Variants in PROK2 observed in about 807,000 individuals in gnomAD.
PROK2 encodes prokineticin-2.
PROK2 carries 8 observed loss-of-function variants against 14.2 expected under a neutral mutation model. The observed-to-expected ratio is 0.56, with a 90% CI of 0.33 to 1.02. PROK2 has a LOEUF of 1.02. PROK2 is among the 50% of genes least tolerant of loss of function. The pLI is 0.03. For synonymous variants in PROK2, 59 were observed against 60.7 expected (o/e 0.97, Z 0.13); for missense variants, 154 against 160.4 (o/e 0.96, Z 0.22).
intron 2 of PROK2, among the ~76,000 whole-genome samples, chr3:71,780,786 C>CCCCTTCCTGACTCCA (rs2050154716): frequency 6.6e-6 from 1 of 152,202 alleles, no homozygotes; most frequent in African/African-American, 2.4e-5. Flanking sequence ...CCCCTGTAGA[C>CCCCTTCCTGACTCCA]AGGTGGGTCT....
chr3:71,771,842 T>C lies in PROK2; in HGVS notation c.*882A>G, dbSNP rs1479210288. 1.3e-5 allele frequency: 2 copies of C among 152,680 alleles called. No individual in the cohort carries two copies. The highest frequency in any genetic ancestry group is 4.8e-5 in the African/African-American group (2 of 41,470). 9.5% of individuals were successfully genotyped at this position (152,680 alleles called of 1,614,324 possible). A position where few individuals can be genotyped will look rare whatever the true frequency, so the allele number is the denominator to read the frequency against. ...CTGCTTTAAAAATGGTAATTAGTGTTGTGCCAGATTAAAATAAATACTTCC... is the reference window on the plus strand; with the variant it reads ...CTGCTTTAAAAATGGTAATTAGTGTCGTGCCAGATTAAAATAAATACTTCC... On this transcript the variant is annotated 3_prime_UTR_variant, in exon 4 of 4. Transcript: ENST00000295619.
In PROK2 at chr3:71,774,496, T is replaced by A; in HGVS notation, c.234A>T (p.Gly78=). ...TCTTTCTTCTTTCCTGCCTTCCATT[T>A]CCAAAATTGTTCTGGAAGGGCCAGG... is the stretch of plus-strand genomic sequence containing the variant. The part of the protein sequence containing the change: ...CHPLTRKNNF[G]NGRQERRKRK... Residue 78 remains glycine (G), a synonymous_variant, in exon 3 of 4, where the codon GGA becomes GGT. Transcript: ENST00000295619. 6.4e-7 allele frequency: 1 copy of A among 1,551,250 alleles called. No homozygotes were observed. Among genetic ancestry groups the A allele is most frequent in the Non-Finnish European group, 8.7e-7 (1 of 1,146,750 alleles).
rs907792084 is a variant in PROK2, at chr3:71,772,599, T to C, written c.*125A>G. 4 of 807,958 alleles carry C rather than the reference T, an allele frequency of 5.0e-6. No homozygotes were observed. Among genetic ancestry groups the C allele is most frequent in the Non-Finnish European group, 8.3e-6 (4 of 481,714 alleles). The allele number at this position is 807,958 out of a possible 1,614,324, so 50.0% of individuals were successfully genotyped here. On this transcript the variant is annotated 3_prime_UTR_variant, in exon 4 of 4. Transcript: ENST00000295619. ...ATCATTTACAAATCAAAGATAAAAA[T>C]GTTACTTGGAAAGTTGAGGAAGCAA...
intron 1 of PROK2, among the ~76,000 whole-genome samples, chr3:71,782,870 T>C (rs2050170640): frequency 6.6e-6 from 1 of 152,228 alleles, no homozygotes; most frequent in African/African-American, 2.4e-5. Flanking sequence ...ACAAAGTATC[T>C]GGATAAAAGC....
Position 71,772,755 on chromosome 3 carries a change from A to C in PROK2, c.359T>G (p.Phe120Cys). 1 of 1,614,218 alleles carries C rather than the reference A, an allele frequency of 6.2e-7. No homozygotes were observed. Among genetic ancestry groups the C allele is most frequent in the Non-Finnish European group, 8.5e-7 (1 of 1,180,018 alleles). The change falls in exon 4 of 4, where the codon TTT becomes TGT. Residue 120 changes from phenylalanine (F) to cysteine (C), a missense_variant. By Grantham distance (205) the Phe-to-Cys change is radical (BLOSUM62 -2). Coordinates refer to ENST00000295619, the MANE Select transcript of PROK2 (RefSeq NM_001126128.2). ...TTGGGCTAAACAAATAAATCGGTTA[A>C]ATGAAGTCCGTAAACAGGCCAAGCC... is the stretch of plus-strand genomic sequence containing the variant. ...LPGLACLRTS[F>C]NRFICLAQK is the part of the protein sequence containing the mutation.
intron 2 of PROK2, among the ~76,000 whole-genome samples, chr3:71,778,280 A>G (rs139537928): frequency 1.2e-4 from 18 of 152,268 alleles, no homozygotes; most frequent in African/African-American, 4.3e-4. Context: ...TATTTGCTTT[A>G]AAATGTATTT....
chr3:71,777,368 T>C (rs1175782532), intron 2 of PROK2, among the ~76,000 whole-genome samples: 2 of 152,170 alleles, frequency 1.3e-5, no homozygotes, highest in Non-Finnish European at 2.9e-5. Context: ...TTAGTTATAT[T>C]TTAGTATTTT....
intron 2 of PROK2, 85 bp downstream of exon 2, chr3:71,781,382 C>G: frequency 6.6e-7 from 1 of 1,526,636 alleles, no homozygotes; most frequent in Non-Finnish European, 9.1e-7. Flanking sequence ...TTGTCGAGCA[C>G]GTTACCCAGT....
chr3:71,772,909 AAATAAC>A, intron 3 of PROK2, 81 bp from the exon 4 acceptor site: 1 of 1,184,010 alleles, frequency 8.4e-7, no homozygotes, highest in Non-Finnish European at 1.3e-6. Flanking sequence ...ATAGCTCTTT[AAATAAC>A]AATAACTAGT....
In PROK2 at chr3:71,772,761, G is replaced by T; in HGVS notation, c.353C>A (p.Thr118Asn). The T allele has an allele frequency of 6.2e-7, 1 of 1,614,182 alleles. No individual in the cohort carries two copies. The highest frequency in any genetic ancestry group is 1.3e-5 in the African/African-American group (1 of 75,044). ...PCLPGLACLRTSFNRFICLAQ... is the reference protein window; with the variant it reads ...PCLPGLACLRNSFNRFICLAQ... The stretch of plus-strand genomic sequence containing the variant: ...TAAACAAATAAATCGGTTAAATGAA[G>T]TCCGTAAACAGGCCAAGCCTGGCAG... The change falls in exon 4 of 4, where the codon ACT becomes AAT. Residue 118 changes from threonine to asparagine, a missense_variant. Thr to Asn is a moderately conservative substitution (Grantham distance 65). Coordinates refer to ENST00000295619, the MANE Select transcript of PROK2 (RefSeq NM_001126128.2).
chr3:71,782,027 A>C (rs1032174064), intron 1 of PROK2, among the ~76,000 whole-genome samples: 4 of 152,248 alleles, frequency 2.6e-5, no homozygotes, highest in African/African-American at 9.6e-5. Context: ...AATTTAAAAA[A>C]AGAGATTTAA....
At chr3:71,777,504 G>T (rs1486883110) in intron 2 of PROK2, among the ~76,000 whole-genome samples, 1 of 151,736 alleles carries the variant, frequency 6.6e-6, no homozygotes, top group East Asian at 1.9e-4. Context: ...TAAATATCAA[G>T]TTAAAAAAAT....
At chr3:71,780,577 G>A (rs1017984147) in intron 2 of PROK2, among the ~76,000 whole-genome samples, 5 of 152,174 alleles carry the variant, frequency 3.3e-5, no homozygotes, top group African/African-American at 7.2e-5. Context: ...TTGTTGCAAC[G>A]CCACTGGAGG....
At chr3:71,782,578 C>T (rs934622772) in intron 1 of PROK2, among the ~76,000 whole-genome samples, 11 of 152,230 alleles carry the variant, frequency 7.2e-5, no homozygotes, top group African/African-American at 1.7e-4. Context: ...TTGTTTGAAC[C>T]GTGGGCAGTA....
chr3:71,772,877 A>T (rs761957750), intron 3 of PROK2, 49 bp from the exon 4 acceptor site: 2 of 1,497,804 alleles, frequency 1.3e-6, no homozygotes, highest in Non-Finnish European at 9.3e-7. Context: ...TTCAAAAACA[A>T]ACAAACCAAA....
At chr3:71,777,104 C>A (rs2050126369) in intron 2 of PROK2, among the ~76,000 whole-genome samples, 1 of 152,176 alleles carries the variant, frequency 6.6e-6, no homozygotes, top group South Asian at 2.1e-4. Flanking sequence ...GAATATTGTA[C>A]TATAGTTTTG....
Position 71,781,521 on chromosome 3 carries a change from C to T in PROK2, c.168G>A (p.Arg56=), listed in dbSNP as rs891611317. 2 of 1,613,646 alleles carry T rather than the reference C, an allele frequency of 1.2e-6. No individual in the cohort carries two copies. Among genetic ancestry groups the T allele is most frequent in the African/African-American group, 1.3e-5 (1 of 74,878 alleles). ...CCAGTTTGCCCATAGGTGTGCAAAT[C>T]CTTATGCTCTTGACCCAGATACTGA... is the stretch of plus-strand genomic sequence containing the variant. ...CAVSIWVKSI[R]ICTPMGKLGD... Residue 56 remains arginine, a synonymous_variant, in exon 2 of 4, where the codon AGG becomes AGA. Transcript: ENST00000295619.
Position 71,775,736 on chromosome 3 carries a change from C to G in PROK2, c.223-1229G>C, listed in dbSNP as rs777566720. Reference sequence around the variant, plus strand: ...GTCCTGCTTTCTTCCAGATTTTGCTCTCTTCTCAAACACCACCAAGCCCAG... The same window carrying G: ...GTCCTGCTTTCTTCCAGATTTTGCTGTCTTCTCAAACACCACCAAGCCCAG... On this transcript the variant is annotated intron_variant, in intron 2 of 3. Coordinates refer to ENST00000295619, the MANE Select transcript of PROK2 (RefSeq NM_001126128.2). Among the ~76,000 whole-genome samples, 44 of 152,292 alleles carry G rather than the reference C, an allele frequency of 2.9e-4. 1 individual carries two copies. Among genetic ancestry groups the G allele is most frequent in the Non-Finnish European group, 5.9e-5 (4 of 68,028 alleles).
chr3:71,781,417 CAG>C, intron 2 of PROK2, 48 bp downstream of exon 2: 1 of 1,601,656 alleles, frequency 6.2e-7, no homozygotes, highest in South Asian at 1.1e-5. Flanking sequence ...AGACCCTGCT[CAG>C]AGTTACCACA....
Sources: gnomAD v4.1 joint callset for allele counts (sites outside exome capture counted in the v4.1 genomes callset) on GRCh38, gnomAD v4.1.1 for gene constraint, MANE v1.5 for transcripts, NCBI Gene and HGNC (gene_info 2026-07-23, HGNC 2026-07-21) for gene names.